The following TXNRD1 variants were observed in gnomAD, a reference collection of about 807,000 sequenced individuals.
TXNRD1 encodes thioredoxin reductase 1, cytoplasmic.
A neutral mutation model predicts 80.3 loss-of-function variants in TXNRD1; 57 were observed. The observed-to-expected ratio is 0.71, with a 90% CI of 0.57 to 0.89. The LOEUF (loss-of-function observed/expected upper bound fraction) is 0.89, where lower values mean the gene tolerates loss of function less well. Ranked by LOEUF, TXNRD1 falls within the 40% of genes least tolerant of loss-of-function variation. The probability of loss-of-function intolerance (pLI) is 0.00; values close to 1 mark genes in which losing one functional copy is unlikely to be tolerated. For missense variants in TXNRD1, 730 were observed against 803.0 expected (o/e 0.91, Z 1.10); for synonymous variants, 291 against 285.2 (o/e 1.02, Z -0.20).
At chr12:104,342,607 C>T (rs2036362978) in intron 16 of TXNRD1, among the ~76,000 whole-genome samples, 1 of 151,792 alleles carries the variant, frequency 6.6e-6, no homozygotes, top group African/African-American at 2.4e-5. Context: ...CTGAAGAAGA[C>T]CCTCAATATT....
At chr12:104,235,076 C>T (rs2032707111) in intron 1 of TXNRD1, among the ~76,000 whole-genome samples, 1 of 152,282 alleles carries the variant, frequency 6.6e-6, no homozygotes, top group African/African-American at 2.4e-5. Context: ...AGAAAATGAG[C>T]ACTCAAAGAA....
chr12:104,239,834 C>T (rs554169346), intron 1 of TXNRD1, among the ~76,000 whole-genome samples: 48 of 152,236 alleles, frequency 3.2e-4, no homozygotes, highest in African/African-American at 1.1e-3. Context: ...GGAATTTGTT[C>T]ATTTCATGTA....
At chr12:104,259,713 C>T (rs1443657074) in intron 3 of TXNRD1, among the ~76,000 whole-genome samples, 1 of 151,822 alleles carries the variant, frequency 6.6e-6, no homozygotes, top group African/African-American at 2.4e-5. Context: ...GTCTCGAACT[C>T]CTGACCTCAG....
chr12:104,221,773 A>T (rs182237491), intron 1 of TXNRD1, among the ~76,000 whole-genome samples: 2 of 152,330 alleles, frequency 1.3e-5, no homozygotes, highest in Non-Finnish European at 2.9e-5. Flanking sequence ...CTGTTAGATG[A>T]AAAACTGAGC....
chr12:104,328,057 G>T (rs1311608641), intron 13 of TXNRD1, among the ~76,000 whole-genome samples: 2 of 151,840 alleles, frequency 1.3e-5, no homozygotes, highest in Non-Finnish European at 2.9e-5. Flanking sequence ...TACTCAGGAG[G>T]CTGAGGCAGG....
At chr12:104,229,170 CAG>C (rs1180026131) in intron 1 of TXNRD1, among the ~76,000 whole-genome samples, 1 of 115,058 alleles carries the variant, frequency 8.7e-6, no homozygotes, top group Non-Finnish European at 1.7e-5. Context: ...TTTTTTGAGA[CAG>C]GGTCTCACTT....
At chr12:104,315,459 G>T (rs1199662425) in intron 6 of TXNRD1, among the ~76,000 whole-genome samples, 1 of 152,170 alleles carries the variant, frequency 6.6e-6, no homozygotes, top group Non-Finnish European at 1.5e-5. Context: ...CGTCTGTATA[G>T]GGTTGTGTAC....
rs1485245561 is a variant in TXNRD1 at position 104,267,645 on chromosome 12, GTATC to G, written c.304+9568_304+9571del. Reference sequence around the variant, plus strand: ...ATGATAGGTGTTCCTAGATGTGATGGTATCTTTCTTTCTTTCTTTCTTTCTTTCT... The same window carrying G: ...ATGATAGGTGTTCCTAGATGTGATGGTTTCTTTCTTTCTTTCTTTCTTTCT... On this transcript the variant is annotated intron_variant, in intron 3 of 16. Coordinates refer to ENST00000525566, the MANE Select transcript of TXNRD1 (RefSeq NM_001093771.3). 2.3e-3 allele frequency among the ~76,000 whole-genome samples: 235 copies of G among 103,552 alleles called. 2 individuals carry two copies. The highest frequency in any genetic ancestry group is 8.3e-3 in the African/African-American group (226 of 27,210). The allele number at this position is 103,552 out of a possible 152,430, so 67.9% of individuals were successfully genotyped here. A position where few individuals can be genotyped will look rare whatever the true frequency, so the allele number is the denominator to read the frequency against.
intron 14 of TXNRD1, among the ~76,000 whole-genome samples, chr12:104,332,667 TGAACCCGGGA>T (rs1353715006): frequency 6.8e-6 from 1 of 147,310 alleles, no homozygotes; most frequent in African/African-American, 2.5e-5. Flanking sequence ...GAGAATCGCT[TGAACCCGGGA>T]GGCGGAGGTT....
chr12:104,240,115 A>G (rs1437982248), intron 1 of TXNRD1, among the ~76,000 whole-genome samples: 1 of 152,166 alleles, frequency 6.6e-6, no homozygotes, highest in African/African-American at 2.4e-5. Flanking sequence ...AAGTTTGAAA[A>G]TGGCCCCTCC....
At chr12:104,251,383 C>T (rs1334042471) in intron 1 of TXNRD1, 144 bp from the exon 2 acceptor site, 1 of 776,746 alleles carries the variant, frequency 1.3e-6, no homozygotes, top group Non-Finnish European at 2.1e-6. Flanking sequence ...CTATAATCTT[C>T]ATTAGAGTCC....
intron 3 of TXNRD1, among the ~76,000 whole-genome samples, chr12:104,267,245 T>TTCTTTCTTTCTTTCTTTCTTTCTG (rs2033518276): frequency 5.0e-5 from 6 of 121,114 alleles, no homozygotes; most frequent in Non-Finnish European, 8.3e-5. Flanking sequence ...TCTTTTCTCT[T>TTCTTTCTTTCTTTCTTTCTTTCTG]TCTTTCTTTC....
At chr12:104,304,837 C>T (rs2034824528) in intron 4 of TXNRD1, 3 of 1,613,822 alleles carry the variant, frequency 1.9e-6, no homozygotes, top group African/African-American at 2.7e-5. Context: ...GTTGCCATGG[C>T]AGGAAACAGG....
At chr12:104,265,557 C>T (rs544280937) in intron 3 of TXNRD1, 22 of 1,608,846 alleles carry the variant, frequency 1.4e-5, no homozygotes, top group Admixed American at 6.7e-5. Flanking sequence ...TCTGGCTGCG[C>T]TATGACTCCC....
chr12:104,342,801 A>G (rs2135893500), intron 16 of TXNRD1, among the ~76,000 whole-genome samples: 1 of 152,308 alleles, frequency 6.6e-6, no homozygotes, highest in South Asian at 2.1e-4. Flanking sequence ...ATGATCAGGT[A>G]CATTGTTCAG....
Position 104,315,852 on chromosome 12 carries a change from C to T in TXNRD1, c.686C>T (p.Ala229Val), listed in dbSNP as rs2035307165. The T allele has an allele frequency of 1.2e-6, 2 of 1,612,132 alleles. No individual in the cohort carries two copies. The highest frequency in any genetic ancestry group is 1.7e-6 in the Non-Finnish European group (2 of 1,178,744). The change falls in exon 7 of 17, where the codon GCC becomes GTC. Residue 229 changes from alanine (A) to valine (V), a missense_variant. Physicochemically the swap from Ala to Val is moderately conservative, Grantham distance 64. Coordinates refer to ENST00000525566, the MANE Select transcript of TXNRD1 (RefSeq NM_001093771.3). ...LMHQAALLGQ[A>V]LQDSRNYGWK... Reference sequence around the variant, plus strand: ...CATCAAGCAGCTTTGTTAGGACAAGCCCTGCAAGACTCTCGAAATTATGGA... The same window carrying T: ...CATCAAGCAGCTTTGTTAGGACAAGTCCTGCAAGACTCTCGAAATTATGGA...
In TXNRD1 at chr12:104,292,685, C is replaced by T. The variant is rs117059300; in HGVS notation, c.414+3645C>T. ...GCTGGGATTACAGTGTGAGCCACCA[C>T]GCCCGGCTTGCCTTATTGTTTTTGT... On this transcript the variant is annotated intron_variant, in intron 4 of 16. Coordinates refer to ENST00000525566, the MANE Select transcript of TXNRD1 (RefSeq NM_001093771.3). 6.4e-3 allele frequency among the ~76,000 whole-genome samples: 968 copies of T among 152,244 alleles called. 5 individuals carry two copies. The highest frequency in any genetic ancestry group is 0.01 in the Middle Eastern group (3 of 292).
At chr12:104,333,450 G>A (rs557394119) in intron 14 of TXNRD1, among the ~76,000 whole-genome samples, 29 of 150,980 alleles carry the variant, frequency 1.9e-4, no homozygotes, top group African/African-American at 7.1e-4. Context: ...TAGCAATTTG[G>A]GGTGATTCCT....
intron 1 of TXNRD1, among the ~76,000 whole-genome samples, chr12:104,225,452 A>G (rs2032451304): frequency 6.6e-6 from 1 of 152,168 alleles, no homozygotes. Flanking sequence ...TCCCCACCCA[A>G]ATCTCACCTT....
Sources: gnomAD v4.1 joint callset for allele counts (sites outside exome capture counted in the v4.1 genomes callset) on GRCh38, gnomAD v4.1.1 for gene constraint, MANE v1.5 for transcripts, NCBI Gene and HGNC (gene_info 2026-07-23, HGNC 2026-07-21) for gene names.